MCU: variants seen among roughly 807,000 people sequenced by gnomAD.
MCU encodes mitochondrial calcium uniporter.
Under a neutral mutation model 45.2 loss-of-function variants are expected in MCU, and 12 were observed. The observed-to-expected ratio is 0.27, with a 90% confidence interval of 0.17 to 0.43. The LOEUF is 0.43. MCU is among the 20% of genes least tolerant of loss of function. MCU has a pLI of 1.00. For missense variants in MCU, 324 were observed against 436.7 expected (o/e 0.74, Z 2.30); for synonymous variants, 160 against 165.1 (o/e 0.97, Z 0.24).
At chr10:72,808,916 CGAAAT>C (rs1844496282) in intron 1 of MCU, among the ~76,000 whole-genome samples, 1 of 152,134 alleles carries the variant, frequency 6.6e-6, no homozygotes, top group Non-Finnish European at 1.5e-5. Flanking sequence ...GTCCCCCTAC[CGAAAT>C]TGGGAAGTAG....
chr10:72,714,257 G>A (rs1232104810), intron 1 of MCU, among the ~76,000 whole-genome samples: 1 of 149,104 alleles, frequency 6.7e-6, no homozygotes, highest in Non-Finnish European at 1.5e-5. Flanking sequence ...GAGCTACCAC[G>A]CCTGGCCAAT....
At chr10:72,823,403 T>A (rs899715688) in intron 1 of MCU, among the ~76,000 whole-genome samples, 3 of 152,196 alleles carry the variant, frequency 2.0e-5, no homozygotes, top group Non-Finnish European at 4.4e-5. Context: ...TTAGAATTGC[T>A]TGCTAAGAGA....
intron 5 of MCU, 91 bp from the exon 6 acceptor site, chr10:72,871,286 G>A (rs1198027100): frequency 1.3e-5 from 14 of 1,106,234 alleles, no homozygotes; most frequent in African/African-American, 4.7e-5. Context: ...TCTTGATGAT[G>A]AGCCCTGTTT....
At position 72,738,899 on chromosome 10, in the gene MCU, G is replaced by A. The variant is rs547741231; in HGVS notation, c.150+46598G>A. Among the ~76,000 whole-genome samples the A allele has an allele frequency of 9.9e-5, 15 of 152,112 alleles. No individual in the cohort carries two copies. The South Asian group carries it at 2.5e-3, about 25-fold the overall frequency. ...ATCTTTTTGTGTGGGATATCCTCCTGTTCCTTTTCTACTGGTCAAAATGCT... is the reference window on the plus strand; with the variant it reads ...ATCTTTTTGTGTGGGATATCCTCCTATTCCTTTTCTACTGGTCAAAATGCT... On this transcript the variant is annotated intron_variant, in intron 1 of 7. Transcript: ENST00000373053.
At chr10:72,760,712 C>CTTTTTTTTTT (rs1381226351) in intron 1 of MCU, 4 of 116,808 alleles carry the variant, frequency 3.4e-5, no homozygotes, top group Non-Finnish European at 3.7e-5. Flanking sequence ...TTTTTTTTTT[C>CTTTTTTTTTT]TTTCTTTTTT....
intron 1 of MCU, among the ~76,000 whole-genome samples, chr10:72,762,509 A>G (rs955956330): frequency 2.6e-5 from 4 of 152,178 alleles, no homozygotes; most frequent in African/African-American, 4.8e-5. Flanking sequence ...GTTAATAAAA[A>G]GAGGCATGTG....
intron 1 of MCU, among the ~76,000 whole-genome samples, chr10:72,797,221 A>ATTCTT (rs375904067): frequency 1.2e-5 from 1 of 86,684 alleles, no homozygotes; most frequent in Non-Finnish European, 2.9e-5. Context: ...CTTTTATTTT[A>ATTCTT]TTTTATTTTA....
At chr10:72,837,452 A>G (rs1415242234) in intron 2 of MCU, among the ~76,000 whole-genome samples, 1 of 152,180 alleles carries the variant, frequency 6.6e-6, no homozygotes, top group East Asian at 1.9e-4. Context: ...CAGTTCTACC[A>G]CTTAACCTCC....
chr10:72,692,671 G>A (rs1039256119), intron 1 of MCU: 50 of 1,203,790 alleles, frequency 4.2e-5, no homozygotes, highest in African/African-American at 3.7e-4. Context: ...CCAGATGGAA[G>A]TTGTCCCCTT....
At chr10:72,695,406 G>A (rs1250004718) in intron 1 of MCU, among the ~76,000 whole-genome samples, 1 of 152,142 alleles carries the variant, frequency 6.6e-6, no homozygotes, top group Non-Finnish European at 1.5e-5. Context: ...CTCATAGTCT[G>A]GCCCAATCTT....
At chr10:72,742,031 A>G (rs1418846259) in intron 1 of MCU, among the ~76,000 whole-genome samples, 1 of 151,562 alleles carries the variant, frequency 6.6e-6, no homozygotes, top group Non-Finnish European at 1.5e-5. Flanking sequence ...TCAAAAAAAA[A>G]AAAAAAAAAA....
At chr10:72,805,122 T>C (rs1410775262) in intron 1 of MCU, among the ~76,000 whole-genome samples, 6 of 132,716 alleles carry the variant, frequency 4.5e-5, no homozygotes, top group Non-Finnish European at 7.7e-5. Context: ...TTTCTTTCTT[T>C]CTTTCTTTCT....
intron 2 of MCU, among the ~76,000 whole-genome samples, chr10:72,852,128 A>G (rs1845216500): frequency 6.6e-6 from 1 of 152,232 alleles, no homozygotes; most frequent in Non-Finnish European, 1.5e-5. Context: ...TAATTTAATC[A>G]CTAATCTTAA....
intron 1 of MCU, among the ~76,000 whole-genome samples, chr10:72,740,151 G>A (rs1843306648): frequency 6.6e-6 from 1 of 151,958 alleles, no homozygotes; most frequent in Admixed American, 6.5e-5. Context: ...GGAGGCTGCG[G>A]TGGGCGGATC....
chr10:72,803,653 C>T (rs1447536146), intron 1 of MCU, among the ~76,000 whole-genome samples: 1 of 151,546 alleles, frequency 6.6e-6, no homozygotes, highest in Non-Finnish European at 1.5e-5. Flanking sequence ...TTAATGAATC[C>T]CATGTACCCA....
intron 1 of MCU, among the ~76,000 whole-genome samples, chr10:72,765,086 T>TAAAAAA (rs529761895): frequency 8.1e-6 from 1 of 123,512 alleles, no homozygotes; most frequent in African/African-American, 3.0e-5. Context: ...CCCCATCTCT[T>TAAAAAA]AAAAAAAAAA....
rs538284388 is a variant in MCU, at chr10:72,810,667, G to A, written c.151-23692G>A. On this transcript the variant is annotated intron_variant, in intron 1 of 7. Coordinates refer to ENST00000373053, the MANE Select transcript of MCU (RefSeq NM_138357.3). The stretch of plus-strand genomic sequence containing the variant: ...TTGTTGTTGTTGTTGTTGTTGTTTT[G>A]TATTTTTAGTAGAGACAGGGTTTCA... Among the ~76,000 whole-genome samples, 3 of 122,848 alleles carry A rather than the reference G, an allele frequency of 2.4e-5. No individual in the cohort carries two copies. The East Asian group carries it at 5.9e-4, about 24-fold the overall frequency. 80.6% of individuals were successfully genotyped at this position (122,848 alleles called of 152,430 possible).
At chr10:72,853,595 T>C (rs1210147867) in intron 2 of MCU, among the ~76,000 whole-genome samples, 2 of 152,018 alleles carry the variant, frequency 1.3e-5, no homozygotes, top group African/African-American at 4.8e-5. Flanking sequence ...TGAATAAAGG[T>C]CAAAAGTTTT....
At position 72,768,774 on chromosome 10, in the gene MCU, T is replaced by TA. The variant is rs200871752; in HGVS notation, c.151-65577dup. Among the ~76,000 whole-genome samples, 902 of 152,248 alleles carry TA rather than the reference T, an allele frequency of 5.9e-3. 12 individuals are homozygous for TA. Among genetic ancestry groups the TA allele is most frequent in the African/African-American group, 0.02 (851 of 41,530 alleles). Reference sequence around the variant, plus strand: ...ATGCTTATTGAAAAACTTAGTTTTTTAAAAAAAATTAGATACAACTTTTAG... The same window carrying TA: ...ATGCTTATTGAAAAACTTAGTTTTTTAAAAAAAAATTAGATACAACTTTTAG... On this transcript the variant is annotated intron_variant, in intron 1 of 7. Coordinates refer to ENST00000373053, the MANE Select transcript of MCU (RefSeq NM_138357.3).
Sources: gnomAD v4.1 joint callset for allele counts (sites outside exome capture counted in the v4.1 genomes callset) on GRCh38, gnomAD v4.1.1 for gene constraint, MANE v1.5 for transcripts, NCBI Gene and HGNC (gene_info 2026-07-23, HGNC 2026-07-21) for gene names.